The following EPHA6 variants were observed in gnomAD, a reference collection of about 807,000 sequenced individuals.
The protein encoded by EPHA6 is EPH receptor A6, also known as ephrin type-A receptor 6.
EPHA6 carries 50 observed loss-of-function variants against 112.0 expected under a neutral mutation model. The ratio of observed to expected loss-of-function variants is 0.45; its 90% CI spans 0.36 to 0.56. EPHA6 has a LOEUF of 0.56. Ranked by LOEUF, EPHA6 falls within the 20% of genes least tolerant of loss-of-function variation. The pLI, the probability that EPHA6 is intolerant of heterozygous loss-of-function variation, is 0.00. For synonymous variants in EPHA6, 529 were observed against 490.7 expected (o/e 1.08, Z -1.03); for missense variants, 1,280 against 1,417.4 (o/e 0.90, Z 1.56).
intron 13 of EPHA6, among the ~76,000 whole-genome samples, chr3:97,631,244 G>T (rs2093900325): frequency 6.6e-6 from 1 of 151,926 alleles, no homozygotes; most frequent in South Asian, 2.1e-4. Context: ...TGTTGTTCTG[G>T]CTCTTCAGAG....
chr3:97,484,305 T>C (rs1241113870), intron 10 of EPHA6, among the ~76,000 whole-genome samples: 1 of 152,138 alleles, frequency 6.6e-6, no homozygotes, highest in African/African-American at 2.4e-5. Context: ...TAGAGATAAA[T>C]TACAATGAAA....
chr3:97,658,999 G>A (rs188522729), intron 14 of EPHA6, among the ~76,000 whole-genome samples: 3 of 151,918 alleles, frequency 2.0e-5, no homozygotes, highest in Admixed American at 6.6e-5. Context: ...ATATTAATAA[G>A]CCATGATAAA....
At chr3:97,091,850 A>G (rs891977703) in intron 3 of EPHA6, among the ~76,000 whole-genome samples, 1 of 152,050 alleles carries the variant, frequency 6.6e-6, no homozygotes, top group East Asian at 1.9e-4. Context: ...AGAAAAAGAA[A>G]TGTAAACCTT....
chr3:97,292,927 G>A (rs952434975), intron 5 of EPHA6, among the ~76,000 whole-genome samples: 2 of 151,812 alleles, frequency 1.3e-5, no homozygotes. Context: ...GTGGTGGGTA[G>A]CACCTTTTTG....
intron 2 of EPHA6, among the ~76,000 whole-genome samples, chr3:96,867,470 CT>C (rs1370507198): frequency 6.6e-6 from 1 of 151,622 alleles, no homozygotes; most frequent in Non-Finnish European, 1.5e-5. Flanking sequence ...TTGTACTTGA[CT>C]TTTTATATAT....
At chr3:97,538,055 T>C (rs1339018138) in intron 11 of EPHA6, among the ~76,000 whole-genome samples, 2 of 152,140 alleles carry the variant, frequency 1.3e-5, no homozygotes, top group African/African-American at 4.8e-5. Context: ...AAACCACTAG[T>C]TACATACTTT....
chr3:96,905,908 G>A (rs1351947387), intron 2 of EPHA6, among the ~76,000 whole-genome samples: 1 of 151,946 alleles, frequency 6.6e-6, no homozygotes, highest in South Asian at 2.1e-4. Flanking sequence ...AACATTGTAA[G>A]TACATACATA....
At chr3:97,650,849 TC>T (rs1174495233) in intron 14 of EPHA6, among the ~76,000 whole-genome samples, 6 of 98,916 alleles carry the variant, frequency 6.1e-5, no homozygotes, top group Non-Finnish European at 1.1e-4. Context: ...AGTTCAAGAC[TC>T]CATCTCAAAA....
At chr3:97,147,858 A>G (rs569485296) in intron 3 of EPHA6, among the ~76,000 whole-genome samples, 95 of 152,196 alleles carry the variant, frequency 6.2e-4, no homozygotes, top group African/African-American at 2.2e-3. Context: ...TAGAAAAGAA[A>G]CTGGAAAACC....
intron 3 of EPHA6, among the ~76,000 whole-genome samples, chr3:97,183,502 T>C (rs559812096): frequency 2.6e-5 from 4 of 152,300 alleles, no homozygotes; most frequent in African/African-American, 2.4e-5. Context: ...CTCTCAGCTA[T>C]ACATTTTGAA....
chr3:96,899,821 T>C (rs765800677), intron 2 of EPHA6, among the ~76,000 whole-genome samples: 4 of 152,132 alleles, frequency 2.6e-5, no homozygotes, highest in Non-Finnish European at 4.4e-5. Flanking sequence ...AATAAAAACA[T>C]AGGGATTTTG....
intron 5 of EPHA6, among the ~76,000 whole-genome samples, chr3:97,253,744 G>T (rs1264671621): frequency 3.3e-5 from 5 of 151,908 alleles, no homozygotes; most frequent in African/African-American, 1.2e-4. Context: ...ATAGGTATTA[G>T]TTTTTACTTT....
chr3:97,522,082 G>A (rs1431371943), intron 10 of EPHA6, among the ~76,000 whole-genome samples: 4 of 151,444 alleles, frequency 2.6e-5, no homozygotes, highest in Admixed American at 6.6e-5. Context: ...ACTACACCCA[G>A]TTATTTTTTG....
chr3:96,823,222 A>G (rs1297982066), intron 1 of EPHA6, among the ~76,000 whole-genome samples: 2 of 151,798 alleles, frequency 1.3e-5, no homozygotes, highest in African/African-American at 4.8e-5. Flanking sequence ...AGAGGCCAAT[A>G]AATTAGTTAT....
chr3:97,395,437 A>G (rs2086643289), intron 5 of EPHA6, among the ~76,000 whole-genome samples: 1 of 151,856 alleles, frequency 6.6e-6, no homozygotes, highest in South Asian at 2.1e-4. Flanking sequence ...TAACATGATA[A>G]ACATGTATCA....
chr3:97,400,111 T>C (rs535594370), intron 5 of EPHA6, among the ~76,000 whole-genome samples: 1 of 151,796 alleles, frequency 6.6e-6, no homozygotes, highest in Non-Finnish European at 1.5e-5. Flanking sequence ...TTATGTTGAT[T>C]TTTGTATATG....
chr3:97,466,575 T>C (rs1425459732), intron 7 of EPHA6: 4 of 711,486 alleles, frequency 5.6e-6, no homozygotes, highest in Non-Finnish European at 5.1e-6. Flanking sequence ...CAGTTCTGTT[T>C]TCTTCTCTGA....
At chr3:97,681,187 A>T (rs958196960) in intron 14 of EPHA6, among the ~76,000 whole-genome samples, 2 of 152,162 alleles carry the variant, frequency 1.3e-5, no homozygotes, top group African/African-American at 4.8e-5. Context: ...CTGTGTTTTC[A>T]ATCATCAAAC....
chr3:96,930,323 G>A (rs981617832), intron 2 of EPHA6, among the ~76,000 whole-genome samples: 1 of 152,134 alleles, frequency 6.6e-6, no homozygotes, highest in Admixed American at 6.5e-5. Context: ...TACTATTTTT[G>A]TGTTGATTTT....
Sources: allele counts gnomAD v4.1 joint callset (sites outside exome capture counted in the v4.1 genomes callset), GRCh38; gene constraint gnomAD v4.1.1; transcripts MANE v1.5; gene names NCBI Gene and HGNC (gene_info 2026-07-23, HGNC 2026-07-21).